The following GFUS variants were observed in gnomAD, a reference collection of about 807,000 sequenced individuals.
GFUS encodes GDP-L-fucose synthase.
GFUS carries 42 observed loss-of-function variants against 41.5 expected under a neutral mutation model. The ratio of observed to expected loss-of-function variants is 1.01; its 90% CI spans 0.79 to 1.31. The LOEUF (loss-of-function observed/expected upper bound fraction) is 1.31, where lower values mean the gene tolerates loss of function less well. Ranked by LOEUF, GFUS falls within the 50% of genes most tolerant of loss-of-function variation. GFUS has a pLI of 0.00. For synonymous variants in GFUS, 188 were observed against 173.4 expected, an observed-to-expected ratio of 1.08 and a Z score of -0.66; for missense variants, 437 against 428.7, an observed-to-expected ratio of 1.02 and a Z score of -0.17.
chr8:143,614,653 ATACGAG>A lies in GFUS; in HGVS notation c.429_434del (p.Ser144_Tyr145del). On this transcript the variant is annotated inframe_deletion, in exon 5 of 11. Transcript: ENST00000425753. The stretch of plus-strand genomic sequence containing the variant: ...TCTGCACGTCGATCATCCTCTTGGC[ATACGAG>A]TACCCAAAATTGCTGTTGTGGGGAG... The A allele has an allele frequency of 6.2e-7, 1 of 1,606,562 alleles. No homozygotes were observed. The highest frequency in any genetic ancestry group is 8.5e-7 in the Non-Finnish European group (1 of 1,174,330).
At position 143,613,142 on chromosome 8, in the gene GFUS, G is replaced by A. The variant is rs558429660; in HGVS notation, c.910+54C>T. ...CCTCTGCCCTGGTAGCGAGCATGAG[G>A]GAGGGGCTGGGGCAGGCCTCCACCA... On this transcript the variant is annotated intron_variant, in intron 10 of 10. Transcript: ENST00000425753. 432 of 1,576,348 alleles carry A rather than the reference G, an allele frequency of 2.7e-4. 1 individual carries two copies. In the East Asian group the frequency reaches 6.6e-3, roughly 24 times the overall value.
At chr8:143,614,953 G>A (rs749528100) in intron 3 of GFUS, 38 bp from the exon 4 acceptor site, 95 of 1,566,882 alleles carry the variant, frequency 6.1e-5, no homozygotes, top group Non-Finnish European at 7.5e-5. Context: ...GGCTCCCCAG[G>A]CCAGATCCCA....
Position 143,616,092 on chromosome 8 carries a change from C to A in GFUS, c.261+14G>T. ...TCCTGGTTTCCAGTGCTTGCTGGGG[C>A]CACCCTCACTTACCCAGAAGTCCAA... On this transcript the variant is annotated intron_variant, in intron 3 of 10. Transcript: ENST00000425753. 2 of 1,553,848 alleles carry A rather than the reference C, an allele frequency of 1.3e-6. No homozygotes were observed. The highest frequency in any genetic ancestry group is 1.7e-6 in the Non-Finnish European group (2 of 1,143,634).
chr8:143,613,150 T>C (rs757309499), intron 10 of GFUS, 46 bp downstream of exon 10: 19 of 1,585,452 alleles, frequency 1.2e-5, no homozygotes, highest in Non-Finnish European at 1.6e-5. Flanking sequence ...AGGGAGGGGC[T>C]GGGGCAGGCC....
Position 143,614,166 on chromosome 8 carries a change from G to A in GFUS, c.661C>T (p.Leu221=), listed in dbSNP as rs763900521. ...GAGCTGTGCCTTCCTTTACGCACCA[G>A]CGAGTATATGAACTGCCTCCGCGGA... ...GNPRRQFIYS[L]DLAQLFIWVL... is the part of the protein sequence containing the mutation. Residue 221 remains leucine (L), a splice_region_variant and synonymous_variant, in exon 7 of 11, where the codon CTG becomes TTG. Coordinates refer to ENST00000425753, the MANE Select transcript of GFUS (RefSeq NM_003313.4). 9 of 1,613,096 alleles carry A rather than the reference G, an allele frequency of 5.6e-6. No homozygotes were observed. In the African/African-American group the frequency reaches 1.1e-4, roughly 19 times the overall value.
chr8:143,613,915 G>A (rs1432593424), intron 7 of GFUS, 98 bp from the exon 8 acceptor site: 5 of 1,364,604 alleles, frequency 3.7e-6, no homozygotes, highest in African/African-American at 1.4e-5. Flanking sequence ...TTGTTCAGTG[G>A]GGGCTCAGCC....
At chr8:143,617,285 C>T (rs1034395769) in intron 1 of GFUS, 189 bp downstream of exon 1, 2 of 155,310 alleles carry the variant, frequency 1.3e-5, no homozygotes, top group Non-Finnish European at 2.9e-5. Context: ...AGGGCCAGCC[C>T]TTAGGGGAGG....
At chr8:143,615,237 G>A (rs1402941155) in intron 3 of GFUS, among the ~76,000 whole-genome samples, 1 of 152,168 alleles carries the variant, frequency 6.6e-6, no homozygotes, top group Non-Finnish European at 1.5e-5. Context: ...AGCCCAGTCT[G>A]GCCCTGGGCT....
At position 143,614,934 on chromosome 8, in the gene GFUS, G is replaced by T. The variant is rs768119532; in HGVS notation, c.262-19C>A. 2 of 1,585,768 alleles carry T rather than the reference G, an allele frequency of 1.3e-6. No individual in the cohort carries two copies. Among genetic ancestry groups the T allele is most frequent in the Admixed American group, 3.4e-5 (2 of 58,772 alleles). ...TTTTCCTCTGCAGGGGTGAGGCGGG[G>T]ACAGTTCAGGCTCCCCAGGCCAGAT... On this transcript the variant is annotated intron_variant, in intron 3 of 10. Coordinates refer to ENST00000425753, the MANE Select transcript of GFUS (RefSeq NM_003313.4).
chr8:143,616,863 G>A (rs957596462), intron 1 of GFUS, 140 bp from the exon 2 acceptor site: 3 of 1,009,136 alleles, frequency 3.0e-6, no homozygotes, highest in South Asian at 1.5e-5. Flanking sequence ...CAGCTGGACC[G>A]AGGCACTCCC....
rs1408872941 is a variant in GFUS at position 143,617,485 on chromosome 8, C to A, written c.-23G>T. The A allele has an allele frequency of 3.3e-5, 5 of 152,266 alleles. No individual in the cohort carries two copies. Among genetic ancestry groups the A allele is most frequent in the Non-Finnish European group, 7.3e-5 (5 of 68,070 alleles). The allele number at this position is 152,266 out of a possible 1,614,324, so 9.4% of individuals were successfully genotyped here. ...CGGTGCCACCTCACCTGCGTCCAGC[C>A]CCACCGCCGGCTCCCCGACAGCGGC... is the stretch of plus-strand genomic sequence containing the variant. On this transcript the variant is annotated 5_prime_UTR_variant, in exon 1 of 11. Coordinates refer to ENST00000425753, the MANE Select transcript of GFUS (RefSeq NM_003313.4).
Position 143,616,566 on chromosome 8 carries a change from C to A in GFUS, c.146+1G>T. The stretch of plus-strand genomic sequence containing the variant: ...GCTGATCTGGGGATGGGCTCACTCA[C>A]GTGAGATCGGCGTCTTTAGAGGAGA... On this transcript the variant is annotated splice_donor_variant, in intron 2 of 10. Coordinates refer to ENST00000425753, the MANE Select transcript of GFUS (RefSeq NM_003313.4). LOFTEE classifies it high-confidence loss of function. 6.2e-7 allele frequency: 1 copy of A among 1,613,804 alleles called. No homozygotes were observed. Among genetic ancestry groups the A allele is most frequent in the Admixed American group, 1.7e-5 (1 of 60,016 alleles).
chr8:143,614,805 G>A lies in GFUS; in HGVS notation c.372C>T (p.Tyr124=). The A allele has an allele frequency of 1.2e-6, 2 of 1,613,728 alleles. No homozygotes were observed. The highest frequency in any genetic ancestry group is 1.1e-5 in the South Asian group (1 of 91,088). ...CCCTCACCATGGTCTCATCTATCGG[G>A]TAGGTCGTCTTGTCAGGGAAGATAC... is the stretch of plus-strand genomic sequence containing the variant. ...STCIFPDKTT[Y]PIDETMIHNG... The change falls in exon 4 of 11, where the codon TAC becomes TAT. Residue 124 remains tyrosine, a synonymous_variant. Coordinates refer to ENST00000425753, the MANE Select transcript of GFUS (RefSeq NM_003313.4).
chr8:143,616,804 G>A, intron 1 of GFUS, 81 bp from the exon 2 acceptor site: 2 of 1,554,910 alleles, frequency 1.3e-6, no homozygotes, highest in East Asian at 4.5e-5. Flanking sequence ...AACTGGCACA[G>A]AGTGAGGCCC....
chr8:143,613,966 GCTACGCCAGTGACTCCTGGAGACAGGAGC>G, intron 7 of GFUS, 149 bp from the exon 8 acceptor site: 1 of 1,156,184 alleles, frequency 8.6e-7, no homozygotes, highest in Non-Finnish European at 1.2e-6. Flanking sequence ...GGAGCTCAGA[GCTACGCCAGTGACTCCTGGAGACAGGAGC>G]CTATGGGGCC....
upstream of GFUS, chr8:143,617,892 C>T (rs1392599621): frequency 2.6e-5 from 4 of 152,228 alleles, no homozygotes; most frequent in African/African-American, 9.6e-5. Flanking sequence ...CTTTGCTCCC[C>T]TTCCCTCCCA....
intron 5 of GFUS, 47 bp downstream of exon 5, chr8:143,614,577 C>T: frequency 1.3e-6 from 2 of 1,559,986 alleles, no homozygotes; most frequent in Admixed American, 3.5e-5. Flanking sequence ...CCCTGGGGGC[C>T]CTCTCCCCGA....
rs148705838 is a variant in GFUS at position 143,612,892 on chromosome 8, T to C, written c.*18A>G. 722 of 1,601,938 alleles carry C rather than the reference T, an allele frequency of 4.5e-4. 3 individuals are homozygous for C. In the East Asian group the frequency reaches 0.015, roughly 33 times the overall value. On this transcript the variant is annotated 3_prime_UTR_variant, in exon 11 of 11. Transcript: ENST00000425753. ...TGCCAGCCGATGGTCCGCTGGCACC[T>C]GATCCTGTCTTCCAGCTTCACTTCC...
intron 5 of GFUS, 73 bp from the exon 6 acceptor site, chr8:143,614,526 C>A: frequency 6.4e-7 from 1 of 1,565,484 alleles, no homozygotes; most frequent in South Asian, 1.2e-5. Flanking sequence ...TGGCCTCTTA[C>A]TGAGGCTGGC....
Sources: gnomAD v4.1 joint callset for allele counts (sites outside exome capture counted in the v4.1 genomes callset) on GRCh38, gnomAD v4.1.1 for gene constraint, MANE v1.5 for transcripts, NCBI Gene and HGNC (gene_info 2026-07-23, HGNC 2026-07-21) for gene names.